The following LPAR3 variants were observed in gnomAD, a reference collection of about 807,000 sequenced individuals.
LPAR3 encodes the protein lysophosphatidic acid receptor 3.
A neutral mutation model predicts 17.8 loss-of-function variants in LPAR3; 7 were observed. That is an observed-to-expected ratio of 0.39 (90% CI 0.22 to 0.74). The LOEUF (loss-of-function observed/expected upper bound fraction) is 0.74, where lower values mean the gene tolerates loss of function less well. LPAR3 is among the 30% of genes least tolerant of loss of function. The pLI, the probability that LPAR3 is intolerant of heterozygous loss-of-function variation, is 0.40. For synonymous variants in LPAR3, 179 were observed against 179.9 expected (o/e 0.99, Z 0.04); for missense variants, 391 against 453.4 (o/e 0.86, Z 1.25).
intron 1 of LPAR3, among the ~76,000 whole-genome samples, chr1:84,871,747 G>C (rs1025546387): frequency 6.6e-5 from 10 of 152,256 alleles, no homozygotes; most frequent in Admixed American, 6.5e-4. Context: ...TGAAATCCCA[G>C]AGGTTCATTT....
chr1:84,856,408 A>G (rs748474183), intron 2 of LPAR3, among the ~76,000 whole-genome samples: 9 of 152,090 alleles, frequency 5.9e-5, no homozygotes, highest in Non-Finnish European at 1.3e-4. Flanking sequence ...CTTTTTTTCT[A>G]TTTTAACAGA....
rs111662628 is a variant in LPAR3, at chr1:84,828,871, C to T, written c.737-14700G>A. ...GATTCCATTGTTCAGATTATGGGTA[C>T]GACATTGCTGTCCAAGGACTTCATG... On this transcript the variant is annotated intron_variant, in intron 2 of 2. Transcript: ENST00000370611. Among the ~76,000 whole-genome samples, 531 of 152,260 alleles carry T rather than the reference C, an allele frequency of 3.5e-3. 4 individuals carry two copies. The highest frequency in any genetic ancestry group is 0.012 in the African/African-American group (503 of 41,544).
At chr1:84,831,186 C>T (rs1659276602) in intron 2 of LPAR3, among the ~76,000 whole-genome samples, 1 of 152,210 alleles carries the variant, frequency 6.6e-6, no homozygotes, top group Non-Finnish European at 1.5e-5. Flanking sequence ...TTGTGTGAGA[C>T]CCTGCCAGTT....
Position 84,837,003 on chromosome 1 carries a change from A to T in LPAR3, c.737-22832T>A, listed in dbSNP as rs573050486. ...AAGAAAAAAATAATTCTATCACTAA[A>T]GGAAAAAACCTTACTTTATCAATTT... On this transcript the variant is annotated intron_variant, in intron 2 of 2. Transcript: ENST00000370611. Among the ~76,000 whole-genome samples the T allele has an allele frequency of 3.3e-5, 5 of 150,686 alleles. No homozygotes were observed. The South Asian group carries it at 8.4e-4, about 25-fold the overall frequency.
intron 2 of LPAR3, among the ~76,000 whole-genome samples, chr1:84,862,207 T>C (rs565229485): frequency 7.9e-5 from 12 of 152,232 alleles, no homozygotes; most frequent in Non-Finnish European, 1.6e-4. Context: ...TCATTCTTTA[T>C]CAAAAACATC....
intron 2 of LPAR3, among the ~76,000 whole-genome samples, chr1:84,828,859 A>C (rs1329740937): frequency 6.6e-6 from 1 of 152,210 alleles, no homozygotes; most frequent in African/African-American, 2.4e-5. Context: ...TCCATTGTTC[A>C]GATTATGGGT....
At chr1:84,878,878 A>C (rs1660307259) in intron 1 of LPAR3, among the ~76,000 whole-genome samples, 1 of 152,126 alleles carries the variant, frequency 6.6e-6, no homozygotes, top group Admixed American at 6.6e-5. Context: ...CTCAGGGTAG[A>C]CTGCTGAAGC....
intron 2 of LPAR3, among the ~76,000 whole-genome samples, chr1:84,829,152 ATTTTTTTTTTTTTTT>A (rs56095946): frequency 2.0e-4 from 11 of 55,526 alleles, no homozygotes; most frequent in Admixed American, 2.4e-4. Flanking sequence ...CCTCTCTGCA[ATTTTTTTTTTTTTTT>A]TTTTTTTTTT....
intron 1 of LPAR3, among the ~76,000 whole-genome samples, chr1:84,872,204 G>A (rs958605836): frequency 6.6e-6 from 1 of 152,082 alleles, no homozygotes; most frequent in Non-Finnish European, 1.5e-5. Flanking sequence ...ATGAAGTAAT[G>A]CTTGTGCACT....
At chr1:84,888,041 T>A (rs984732334) in intron 1 of LPAR3, among the ~76,000 whole-genome samples, 1 of 146,548 alleles carries the variant, frequency 6.8e-6, no homozygotes, top group African/African-American at 2.5e-5. Context: ...GAGTGCTTGC[T>A]TTTTTTTTTA....
intron 1 of LPAR3, among the ~76,000 whole-genome samples, chr1:84,874,454 T>C (rs1660217834): frequency 6.6e-6 from 1 of 152,154 alleles, no homozygotes; most frequent in Non-Finnish European, 1.5e-5. Flanking sequence ...CTAGGACTTG[T>C]TTAACAAACA....
intron 1 of LPAR3, among the ~76,000 whole-genome samples, chr1:84,874,428 A>G (rs1660217472): frequency 1.3e-5 from 2 of 152,204 alleles, no homozygotes; most frequent in South Asian, 4.1e-4. Flanking sequence ...CTTGGTATAT[A>G]CACACAGCTT....
rs1658857955 is a variant in LPAR3, at chr1:84,813,249, C to T, written c.*597G>A. On this transcript the variant is annotated 3_prime_UTR_variant, in exon 3 of 3. Transcript: ENST00000370611. ...CCTTTTTCAGGTCAAAAAGGGTTTTCACATTGACCTTTTTTACTTTTAAGT... is the reference window on the plus strand; with the variant it reads ...CCTTTTTCAGGTCAAAAAGGGTTTTTACATTGACCTTTTTTACTTTTAAGT... 1.0e-5 allele frequency: 1 copy of T among 100,088 alleles called. No homozygotes were observed. Among genetic ancestry groups the T allele is most frequent in the Non-Finnish European group, 2.0e-5 (1 of 50,204 alleles). The allele number at this position is 100,088 out of a possible 1,614,324, so 6.2% of individuals were successfully genotyped here. A position where few individuals can be genotyped will look rare whatever the true frequency, so the allele number is the denominator to read the frequency against.
intron 1 of LPAR3, among the ~76,000 whole-genome samples, chr1:84,868,784 A>G (rs1660103537): frequency 6.6e-6 from 1 of 152,292 alleles, no homozygotes; most frequent in Non-Finnish European, 1.5e-5. Flanking sequence ...ACCAGACACC[A>G]AATCTACTGA....
intron 2 of LPAR3, among the ~76,000 whole-genome samples, chr1:84,857,056 C>G (rs961282908): frequency 6.6e-6 from 1 of 152,230 alleles, no homozygotes; most frequent in East Asian, 1.9e-4. Flanking sequence ...CATTTGCCAT[C>G]TGTCAAGGCA....
rs1393018268 is a variant in LPAR3 at position 84,813,563 on chromosome 1, G to A, written c.*283C>T. On this transcript the variant is annotated 3_prime_UTR_variant, in exon 3 of 3. Transcript: ENST00000370611. ...AGAGAATGGCTACGAAATGGTGCCA[G>A]AACCCAGAAGGCCCAGCTGGACTGA... 2 of 343,548 alleles carry A rather than the reference G, an allele frequency of 5.8e-6. No homozygotes were observed. The highest frequency in any genetic ancestry group is 8.4e-5 in the Admixed American group (2 of 23,866). The allele number at this position is 343,548 out of a possible 1,614,324, so 21.3% of individuals were successfully genotyped here.
rs929481253 is a variant in LPAR3, at chr1:84,883,217, C to T, written c.-19+9799G>A. 5.9e-5 allele frequency among the ~76,000 whole-genome samples: 9 copies of T among 152,296 alleles called. 1 individual carries two copies. Among genetic ancestry groups the T allele is most frequent in the Admixed American group, 2.0e-4 (3 of 15,290 alleles). On this transcript the variant is annotated intron_variant, in intron 1 of 2. Coordinates refer to ENST00000370611, the MANE Select transcript of LPAR3 (RefSeq NM_012152.3). ...GTCAGAGAAAGTCCACTGAGCTCCA[C>T]GGTGAGCTTGTTCCCAAAAGGCTGG...
intron 1 of LPAR3, among the ~76,000 whole-genome samples, chr1:84,875,962 AG>A (rs924603450): frequency 3.9e-5 from 6 of 152,216 alleles, no homozygotes; most frequent in Non-Finnish European, 7.3e-5. Flanking sequence ...ATACACACCC[AG>A]GTTAGTGCCT....
At chr1:84,855,799 G>T (rs1052309199) in intron 2 of LPAR3, among the ~76,000 whole-genome samples, 6 of 152,182 alleles carry the variant, frequency 3.9e-5, no homozygotes, top group East Asian at 3.9e-4. Flanking sequence ...ACAGTGGCGT[G>T]GGGGGAAAAG....
Sources: allele counts gnomAD v4.1 joint callset (sites outside exome capture counted in the v4.1 genomes callset), GRCh38; gene constraint gnomAD v4.1.1; transcripts MANE v1.5; gene names NCBI Gene and HGNC (gene_info 2026-07-23, HGNC 2026-07-21).